ALG12: variants seen among roughly 807,000 people sequenced by gnomAD.
ALG12 encodes ALG12 alpha-1,6-mannosyltransferase.
In ALG12, 36 loss-of-function variants were observed where a neutral mutation model predicts 46.0. The observed-to-expected ratio is 0.78, with a 90% CI of 0.60 to 1.03. The LOEUF is 1.03. Among genes scored for constraint, ALG12 ranks in the 50% least tolerant of loss-of-function variants. ALG12 has a pLI of 0.00. For synonymous variants in ALG12, 326 were observed against 291.6 expected (o/e 1.12, Z -1.20); for missense variants, 599 against 633.5 (o/e 0.95, Z 0.58).
downstream of ALG12, among the ~76,000 whole-genome samples, chr22:49,895,836 T>A (rs932300904): frequency 1.0e-4 from 15 of 149,722 alleles, no homozygotes; most frequent in South Asian, 8.4e-4. Context: ...GGATTTTAAT[T>A]GAGTAGGACC....
At chr22:49,871,652 G>A in the ALG12 span, among the ~76,000 whole-genome samples, 3 of 152,110 alleles carry the variant, frequency 2.0e-5, no homozygotes, top group African/African-American at 7.2e-5. Context: ...AGGAGATGTT[G>A]CCTTGGTGTC....
Position 49,905,574 on chromosome 22 carries a change from C to T in ALG12, c.993-1068G>A, listed in dbSNP as rs944968443. ...GTTTGAAAATGGGTGACACCTCCCC[C>T]GTCCCTCTTCGTCCTGCTTTGGCCA... is the stretch of plus-strand genomic sequence containing the variant. On this transcript the variant is annotated intron_variant, in intron 7 of 9. Coordinates refer to ENST00000330817, the MANE Select transcript of ALG12 (RefSeq NM_024105.4). This position sits in a 1 kb window ranked among gnomAD's most constrained non-coding sequence, Gnocchi z 4.9. Among the ~76,000 whole-genome samples, 8 of 152,176 alleles carry T rather than the reference C, an allele frequency of 5.3e-5. No homozygotes were observed. Among genetic ancestry groups the T allele is most frequent in the Non-Finnish European group, 7.4e-5 (5 of 68,026 alleles).
rs1434872706 is a variant in ALG12 at position 49,902,573 on chromosome 22, G to A, written c.*1265C>T. The stretch of plus-strand genomic sequence containing the variant: ...TGTGTATGCATGGTAATGTGCACGT[G>A]TGCACTGTGTGTGGTGTGTATGCAT... On this transcript the variant is annotated 3_prime_UTR_variant, in exon 10 of 10. Transcript: ENST00000330817. 7.2e-6 allele frequency: 1 copy of A among 139,644 alleles called. No homozygotes were observed. Among genetic ancestry groups the A allele is most frequent in the Non-Finnish European group, 1.5e-5 (1 of 65,884 alleles). 8.7% of individuals were successfully genotyped at this position (139,644 alleles called of 1,614,324 possible).
Position 49,906,494 on chromosome 22 carries a change from G to A in ALG12, c.992+1227C>T, listed in dbSNP as rs73443947. 2.0e-3 allele frequency among the ~76,000 whole-genome samples: 309 copies of A among 152,208 alleles called. 1 individual carries two copies. Among genetic ancestry groups the A allele is most frequent in the Middle Eastern group, 0.01 (3 of 294 alleles). ...GGAACCCCCAGCGAGGAACAGTCAC[G>A]GCAGCCAGAGGAGCTCCCAGGCCCG... On this transcript the variant is annotated intron_variant, in intron 7 of 9. Coordinates refer to ENST00000330817, the MANE Select transcript of ALG12 (RefSeq NM_024105.4). This position sits in a 1 kb window ranked among gnomAD's most constrained non-coding sequence, Gnocchi z 4.4.
At chr22:49,878,133 C>A in the ALG12 span, among the ~76,000 whole-genome samples, 2 of 151,854 alleles carry the variant, frequency 1.3e-5, no homozygotes, top group African/African-American at 2.4e-5. Context: ...GGTGAAACAC[C>A]GTCTCTACTA....
the ALG12 span, among the ~76,000 whole-genome samples, chr22:49,871,776 A>T: frequency 2.2e-5 from 3 of 139,122 alleles, no homozygotes; most frequent in African/African-American, 7.6e-5. Context: ...TTTTTTTGAG[A>T]CAGAGTCTTA....
the ALG12 span, among the ~76,000 whole-genome samples, chr22:49,871,757 A>ATTTAT: frequency 1.6e-4 from 10 of 62,172 alleles, no homozygotes; most frequent in South Asian, 3.1e-3. Context: ...TTATTTATTT[A>ATTTAT]TTTTTTTTTT....
rs1169183903 is a variant in ALG12 at position 49,902,637 on chromosome 22, G to C, written c.*1201C>G. The C allele has an allele frequency of 6.9e-6, 1 of 145,634 alleles. No individual in the cohort carries two copies. The highest frequency in any genetic ancestry group is 1.5e-5 in the Non-Finnish European group (1 of 68,450). 9.0% of individuals were successfully genotyped at this position (145,634 alleles called of 1,614,324 possible). A position where few individuals can be genotyped will look rare whatever the true frequency, so the allele number is the denominator to read the frequency against. ...GTGCACTGTGTATGCATGGTAATGT[G>C]CACGTGTGCACTGTGTGGTGTGTAT... On this transcript the variant is annotated 3_prime_UTR_variant, in exon 10 of 10. Transcript: ENST00000330817.
intron 1 of ALG12, among the ~76,000 whole-genome samples, chr22:49,914,626 T>C (rs1217248626): frequency 2.0e-5 from 3 of 152,240 alleles, no homozygotes; most frequent in African/African-American, 7.2e-5. Context: ...GGGCAAACTC[T>C]TCACGTTTCT....
chr22:49,897,172 T>C (rs1051208456), downstream of ALG12, among the ~76,000 whole-genome samples: 3 of 152,170 alleles, frequency 2.0e-5, no homozygotes, highest in Admixed American at 2.0e-4. Context: ...GGGCTAGTCA[T>C]TCACTTATTT....
intron 1 of ALG12, among the ~76,000 whole-genome samples, chr22:49,917,370 A>C (rs1258469268): frequency 6.6e-6 from 1 of 152,210 alleles, no homozygotes; most frequent in Non-Finnish European, 1.5e-5. Context: ...TAAGGCCTCT[A>C]CCGAAATTGA....
In ALG12 at chr22:49,903,036, C is replaced by T; in HGVS notation, c.*802G>A. The T allele has an allele frequency of 5.7e-6, 2 of 348,228 alleles. No homozygotes were observed. The highest frequency in any genetic ancestry group is 1.1e-5 in the Non-Finnish European group (2 of 178,782). The allele number at this position is 348,228 out of a possible 1,614,324, so 21.6% of individuals were successfully genotyped here. A position where few individuals can be genotyped will look rare whatever the true frequency, so the allele number is the denominator to read the frequency against. On this transcript the variant is annotated 3_prime_UTR_variant, in exon 10 of 10. Coordinates refer to ENST00000330817, the MANE Select transcript of ALG12 (RefSeq NM_024105.4). ...GTGTGTGCATACGTGTGCAGCAGCA[C>T]CTGGTCCCATCTCCAGTGCCCAGCA...
chr22:49,912,887 T>C (rs1053369895), intron 3 of ALG12, among the ~76,000 whole-genome samples: 4 of 152,086 alleles, frequency 2.6e-5, no homozygotes, highest in African/African-American at 9.7e-5. Flanking sequence ...AAAAAATCGG[T>C]TTTTAGAACA....
At chr22:49,879,041 A>G in the ALG12 span, among the ~76,000 whole-genome samples, 1 of 149,128 alleles carries the variant, frequency 6.7e-6, no homozygotes, top group East Asian at 2.1e-4. Context: ...GTTACTCAGG[A>G]GGCTGAGGCA....
chr22:49,870,126 T>C, the ALG12 span, among the ~76,000 whole-genome samples: 2 of 152,228 alleles, frequency 1.3e-5, no homozygotes, highest in Non-Finnish European at 2.9e-5. Context: ...GGTCTCCAGA[T>C]GCATGCATGT....
At chr22:49,904,603 T>C in intron 7 of ALG12, 97 bp from the exon 8 acceptor site, 1 of 1,385,422 alleles carries the variant, frequency 7.2e-7, no homozygotes, top group Non-Finnish European at 1.0e-6. Flanking sequence ...GCTGTTCAAC[T>C]TCACCAAGTC....
chr22:49,909,673 C>A (rs1417100569), intron 5 of ALG12, among the ~76,000 whole-genome samples: 1 of 152,256 alleles, frequency 6.6e-6, no homozygotes, highest in Non-Finnish European at 1.5e-5. Context: ...TCCCCCAGCC[C>A]AAGGACAAGG....
chr22:49,898,714 T>C (rs952988797), downstream of ALG12, among the ~76,000 whole-genome samples: 1 of 152,116 alleles, frequency 6.6e-6, no homozygotes, highest in Non-Finnish European at 1.5e-5. Flanking sequence ...TTGAGAAAAG[T>C]GCACAGGCAA....
the ALG12 span, chr22:49,889,477 T>G: frequency 6.0e-6 from 1 of 167,134 alleles, no homozygotes; most frequent in African/African-American, 2.4e-5. Context: ...TTTTGTTTGT[T>G]TTTTTAAGCT....
Sources: allele counts gnomAD v4.1 joint callset (sites outside exome capture counted in the v4.1 genomes callset), GRCh38; gene constraint gnomAD v4.1.1; non-coding constraint Gnocchi (gnomAD v3.1); transcripts MANE v1.5; gene names NCBI Gene and HGNC (gene_info 2026-07-23, HGNC 2026-07-21).